The following FAM81A variants were observed in gnomAD, a reference collection of about 807,000 sequenced individuals.
FAM81A encodes family with sequence similarity 81 member A.
FAM81A carries 19 observed loss-of-function variants against 46.7 expected under a neutral mutation model. The ratio of observed to expected loss-of-function variants is 0.41; its 90% CI spans 0.28 to 0.60. FAM81A has a LOEUF of 0.60. Among genes scored for constraint, FAM81A ranks in the 20% least tolerant of loss-of-function variants. FAM81A has a pLI of 0.34. For synonymous variants in FAM81A, 183 were observed against 152.9 expected (o/e 1.20, Z -1.45); for missense variants, 377 against 453.5 (o/e 0.83, Z 1.53).
At chr15:59,519,736 G>T (rs908881720) in intron 8 of FAM81A, among the ~76,000 whole-genome samples, 4 of 151,674 alleles carry the variant, frequency 2.6e-5, no homozygotes, top group Non-Finnish European at 5.9e-5. Flanking sequence ...CAAATGGCAG[G>T]CTCTCCTTTT....
At chr15:59,466,415 G>A (rs1362059587) in intron 3 of FAM81A, among the ~76,000 whole-genome samples, 5 of 152,182 alleles carry the variant, frequency 3.3e-5, no homozygotes, top group African/African-American at 4.8e-5. Flanking sequence ...GCGTGAGATG[G>A]TATCTCTTTG....
intron 2 of FAM81A, among the ~76,000 whole-genome samples, chr15:59,413,816 C>G (rs1459731124): frequency 6.6e-6 from 1 of 152,118 alleles, no homozygotes; most frequent in Non-Finnish European, 1.5e-5. Context: ...CTCAGCAAAC[C>G]TATTTGCTTG....
At chr15:59,496,844 G>A (rs954101408) in intron 4 of FAM81A, among the ~76,000 whole-genome samples, 2 of 152,066 alleles carry the variant, frequency 1.3e-5, no homozygotes, top group East Asian at 1.9e-4. Flanking sequence ...TTTAGGATCA[G>A]GCCAGGTGCA....
At chr15:59,495,737 G>T (rs566758805) in intron 4 of FAM81A, among the ~76,000 whole-genome samples, 80 of 152,140 alleles carry the variant, frequency 5.3e-4, no homozygotes, top group Non-Finnish European at 9.4e-4. Flanking sequence ...GTATCTCATT[G>T]TGGTTTTGAT....
At chr15:59,473,571 C>G (rs1017374538) in intron 3 of FAM81A, among the ~76,000 whole-genome samples, 1 of 152,170 alleles carries the variant, frequency 6.6e-6, no homozygotes, top group African/African-American at 2.4e-5. Context: ...CTTCCCCATT[C>G]TTAGAATACC....
At chr15:59,428,880 C>G (rs1304600929) in intron 2 of FAM81A, among the ~76,000 whole-genome samples, 1 of 152,102 alleles carries the variant, frequency 6.6e-6, no homozygotes, top group East Asian at 1.9e-4. Context: ...ATCTGCCTGC[C>G]TCCGCCTCTG....
chr15:59,421,790 T>TCTATCTATCTAC (rs1555426023), intron 2 of FAM81A, among the ~76,000 whole-genome samples: 4 of 143,484 alleles, frequency 2.8e-5, no homozygotes, highest in South Asian at 4.6e-4. Flanking sequence ...TATCTATCTA[T>TCTATCTATCTAC]CTACCTACCT....
intron 8 of FAM81A, among the ~76,000 whole-genome samples, chr15:59,520,234 G>T (rs1270623811): frequency 2.0e-5 from 3 of 152,068 alleles, no homozygotes; most frequent in Non-Finnish European, 2.9e-5. Flanking sequence ...CACTATGGCT[G>T]CCCCATCCTG....
chr15:59,493,950 G>C (rs1186005882), intron 4 of FAM81A, among the ~76,000 whole-genome samples: 13 of 151,902 alleles, frequency 8.6e-5, no homozygotes, highest in African/African-American at 2.9e-4. Context: ...ACCCCCTCTG[G>C]GAGTCTTCCC....
intron 2 of FAM81A, among the ~76,000 whole-genome samples, chr15:59,421,590 C>T (rs1487771946): frequency 6.6e-6 from 1 of 152,174 alleles, no homozygotes; most frequent in Non-Finnish European, 1.5e-5. Context: ...TTTGCCGTTG[C>T]TGCCTGGCTA....
chr15:59,426,632 A>G (rs2081196110), intron 2 of FAM81A, among the ~76,000 whole-genome samples: 1 of 152,308 alleles, frequency 6.6e-6, no homozygotes, highest in Middle Eastern at 3.4e-3. Context: ...CAAACAAACA[A>G]ACAAAGAAAT....
chr15:59,472,040 T>A (rs1321839891), intron 3 of FAM81A, among the ~76,000 whole-genome samples: 6 of 152,228 alleles, frequency 3.9e-5, no homozygotes, highest in African/African-American at 7.2e-5. Flanking sequence ...ATTTGATTTC[T>A]TTTTGGATTT....
chr15:59,403,651 C>A (rs953667688), intron 2 of FAM81A, among the ~76,000 whole-genome samples: 4 of 152,138 alleles, frequency 2.6e-5, no homozygotes, highest in Non-Finnish European at 5.9e-5. Flanking sequence ...GGCTAGAAAG[C>A]CTTACCTAGG....
At chr15:59,400,433 G>A (rs543219575) in intron 1 of FAM81A, among the ~76,000 whole-genome samples, 1 of 152,290 alleles carries the variant, frequency 6.6e-6, no homozygotes, top group East Asian at 1.9e-4. Context: ...GTGGTTGCAA[G>A]TCTGGTTGCC....
At chr15:59,480,451 G>A (rs777883067) in intron 3 of FAM81A, among the ~76,000 whole-genome samples, 1 of 152,136 alleles carries the variant, frequency 6.6e-6, no homozygotes, top group Non-Finnish European at 1.5e-5. Flanking sequence ...GGCTCCCACA[G>A]AAGTCCCTAT....
chr15:59,459,721 C>T (rs754571432), intron 2 of FAM81A, among the ~76,000 whole-genome samples: 17 of 151,852 alleles, frequency 1.1e-4, no homozygotes, highest in Non-Finnish European at 2.2e-4. Flanking sequence ...TCATGGAGAC[C>T]GCTTCTAAAA....
chr15:59,446,810 G>A (rs2081358712), intron 1 of FAM81A: 1 of 152,198 alleles, frequency 6.6e-6, no homozygotes, highest in Non-Finnish European at 1.5e-5. Flanking sequence ...CAGCTTTGAT[G>A]AGAGCACCAG....
At chr15:59,438,140 C>A (rs2081256532), upstream of FAM81A, 1 of 146,212 alleles carries the variant, frequency 6.8e-6, no homozygotes, top group Non-Finnish European at 1.5e-5. Context: ...CCGGGCCAGG[C>A]GGCAGGCGCG....
At chr15:59,490,117 GA>G (rs879669753) in intron 3 of FAM81A, among the ~76,000 whole-genome samples, 48 of 137,788 alleles carry the variant, frequency 3.5e-4, no homozygotes, top group Middle Eastern at 3.6e-3. Flanking sequence ...AATAAAAGTT[GA>G]AAAAAAAAAA....
Sources: gnomAD v4.1 joint callset for allele counts (sites outside exome capture counted in the v4.1 genomes callset) on GRCh38, gnomAD v4.1.1 for gene constraint, MANE v1.5 for transcripts, NCBI Gene and HGNC (gene_info 2026-07-23, HGNC 2026-07-21) for gene names.